The following KRT33B variants were observed in gnomAD, a reference collection of about 807,000 sequenced individuals.
The protein encoded by KRT33B is keratin 33B.
In KRT33B, 37 loss-of-function variants were observed where a neutral mutation model predicts 42.7. That is an observed-to-expected ratio of 0.87 (90% CI 0.67 to 1.14). KRT33B has a LOEUF of 1.14. Among genes scored for constraint, KRT33B ranks in the 50% most tolerant of loss-of-function variants. The pLI is 0.00. For missense variants in KRT33B, 523 were observed against 515.1 expected, an observed-to-expected ratio of 1.02 and a Z score of -0.15; for synonymous variants, 237 against 221.2, an observed-to-expected ratio of 1.07 and a Z score of -0.63.
In KRT33B at chr17:41,367,942, T is replaced by G. The variant is rs2017722236; in HGVS notation, c.397A>C (p.Asn133His). 3.1e-6 allele frequency: 5 copies of G among 1,613,002 alleles called. No individual in the cohort carries two copies. The highest frequency in any genetic ancestry group is 4.2e-6 in the Non-Finnish European group (5 of 1,180,026). The change falls in exon 2 of 7, where the codon AAT (asparagine) becomes CAT (histidine). Residue 133 changes from asparagine to histidine, a missense_variant. Coordinates refer to ENST00000251646, the MANE Select transcript of KRT33B (RefSeq NM_002279.5). Reference sequence around the variant, plus strand: ...AAGTCATCTGCAGCCAGCTTGGCATTGTCGATCTGCACCACCAGCCTGGCA... The same window carrying G: ...AAGTCATCTGCAGCCAGCTTGGCATGGTCGATCTGCACCACCAGCCTGGCA... ...ENARLVVQID[N>H]AKLAADDFRT...
At chr17:41,366,335 G>C (rs2017700024) in intron 3 of KRT33B, 135 bp downstream of exon 3, 2 of 991,856 alleles carry the variant, frequency 2.0e-6, no homozygotes, top group Admixed American at 2.8e-5. Flanking sequence ...TCCCCAACAA[G>C]CCCCAAAGTA....
chr17:41,365,437 CA>C lies in KRT33B; in HGVS notation c.704del (p.Leu235ArgfsTer20). Reference protein sequence around the residue: ...LNETRNQYEALVETNRREVEQ... With the variant: ...LNETRNQYEAXVETNRREVEQ... ...CCACTTCCCTGCGGTTGGTTTCCACCAGGGCCTCATACTGATTCCTGGTCTC... is the reference window on the plus strand; with the variant it reads ...CCACTTCCCTGCGGTTGGTTTCCACCGGGCCTCATACTGATTCCTGGTCTC... On this transcript the variant is annotated frameshift_variant, in exon 4 of 7. Coordinates refer to ENST00000251646, the MANE Select transcript of KRT33B (RefSeq NM_002279.5). LOFTEE classifies it high-confidence loss of function. 1 of 1,612,854 alleles carries C rather than the reference CA, an allele frequency of 6.2e-7. No homozygotes were observed. Among genetic ancestry groups the C allele is most frequent in the Non-Finnish European group, 8.5e-7 (1 of 1,179,978 alleles).
rs1236286275 is a variant in KRT33B, at chr17:41,365,528, A to G, written c.614T>C (p.Leu205Pro). 6.2e-7 allele frequency: 1 copy of G among 1,611,916 alleles called. No homozygotes were observed. Among genetic ancestry groups the G allele is most frequent in the Non-Finnish European group, 8.5e-7 (1 of 1,179,816 alleles). Residue 205 changes from leucine (L) to proline (P), a missense_variant, in exon 4 of 7, where the codon CTT becomes CCT. By Grantham distance (98) the Leu-to-Pro change is moderately conservative (BLOSUM62 -3). Coordinates refer to ENST00000251646, the MANE Select transcript of KRT33B (RefSeq NM_002279.5). ...CACCTCCACGTTGAGGCGGTCTCCA[A>G]GCTGGCAGCGCAAGGTGTTGACTTC... The part of the protein sequence containing the change: ...EQEVNTLRCQ[L>P]GDRLNVEVDA...
At chr17:41,367,327 AG>A (rs1348170579) in intron 2 of KRT33B, among the ~76,000 whole-genome samples, 1 of 151,450 alleles carries the variant, frequency 6.6e-6, no homozygotes, top group Non-Finnish European at 1.5e-5. Flanking sequence ...GTATACAAAG[AG>A]ACCAATGTGA....
Position 41,364,980 on chromosome 17 carries a change from G to A in KRT33B, c.896C>T (p.Thr299Met), listed in dbSNP as rs199838257. ...QHNLRYSLEN[T>M]LTESEARYSS... The stretch of plus-strand genomic sequence containing the variant: ...GTAGCGGGCCTCGCTCTCTGTCAGC[G>A]TGTTTTCCAGAGAGTATCGCTGTGG... The change falls in exon 6 of 7, where the codon ACG becomes ATG. Residue 299 changes from threonine to methionine, a missense_variant. Coordinates refer to ENST00000251646, the MANE Select transcript of KRT33B (RefSeq NM_002279.5). The A allele has an allele frequency of 1.1e-5, 18 of 1,613,372 alleles. No homozygotes were observed. The East Asian group carries it at 1.6e-4, about 14-fold the overall frequency.
rs150951271 is a variant in KRT33B at position 41,367,729 on chromosome 17, C to T, written c.431+179G>A. ...AAAATAAAAAAATTAAAAAAAAAAA[C>T]TTAAAACACAGAATCTGAGCACCTA... On this transcript the variant is annotated intron_variant, in intron 2 of 6. Coordinates refer to ENST00000251646, the MANE Select transcript of KRT33B (RefSeq NM_002279.5). 6.0e-5 allele frequency among the ~76,000 whole-genome samples: 9 copies of T among 150,836 alleles called. No homozygotes were observed. In the South Asian group the frequency reaches 6.3e-4, roughly 10 times the overall value.
At chr17:41,369,322 A>T in intron 1 of KRT33B, 81 bp downstream of exon 1, 15 of 1,544,364 alleles carry the variant, frequency 9.7e-6, no homozygotes, top group Non-Finnish European at 1.3e-5. Flanking sequence ...CTGTGAACAG[A>T]CTTAGATCCA....
Position 41,363,673 on chromosome 17 carries a change from T to C in KRT33B, c.*163A>G. 1 of 551,800 alleles carries C rather than the reference T, an allele frequency of 1.8e-6. No individual in the cohort carries two copies. The highest frequency in any genetic ancestry group is 2.8e-5 in the South Asian group (1 of 35,460). The allele number at this position is 551,800 out of a possible 1,614,324, so 34.2% of individuals were successfully genotyped here. A position where few individuals can be genotyped will look rare whatever the true frequency, so the allele number is the denominator to read the frequency against. On this transcript the variant is annotated 3_prime_UTR_variant, in exon 7 of 7. Coordinates refer to ENST00000251646, the MANE Select transcript of KRT33B (RefSeq NM_002279.5). Reference sequence around the variant, plus strand: ...TGAGGAGGATCAAGTAGCCCTAGGCTCAGAGTCAGACCCAAACGCTGGGCA... The same window carrying C: ...TGAGGAGGATCAAGTAGCCCTAGGCCCAGAGTCAGACCCAAACGCTGGGCA...
rs1167734168 is a variant in KRT33B, at chr17:41,366,654, G to A, written c.432-28C>T. ...GCACACACAGCCAGAGGTCAAAAGAGGTCCAAAAAAAAAAAGTCTTTGTTT... is the reference window on the plus strand; with the variant it reads ...GCACACACAGCCAGAGGTCAAAAGAAGTCCAAAAAAAAAAAGTCTTTGTTT... On this transcript the variant is annotated intron_variant, in intron 2 of 6. Coordinates refer to ENST00000251646, the MANE Select transcript of KRT33B (RefSeq NM_002279.5). 10 of 1,528,768 alleles carry A rather than the reference G, an allele frequency of 6.5e-6. No individual in the cohort carries two copies. In the East Asian group the frequency reaches 1.9e-4, roughly 29 times the overall value. The allele number at this position is 1,528,768 out of a possible 1,614,324, so 94.7% of individuals were successfully genotyped here. A position where few individuals can be genotyped will look rare whatever the true frequency, so the allele number is the denominator to read the frequency against.
At chr17:41,366,360 A>G (rs1185140065) in intron 3 of KRT33B, 110 bp downstream of exon 3, 16 of 1,288,646 alleles carry the variant, frequency 1.2e-5, no homozygotes, top group Admixed American at 2.4e-5. Context: ...TTGAGCAACC[A>G]GCAAAATGTT....
intron 3 of KRT33B, 103 bp downstream of exon 3, chr17:41,366,367 T>C: frequency 1.5e-6 from 2 of 1,348,260 alleles, no homozygotes; most frequent in Non-Finnish European, 1.0e-6. Context: ...ACCAGCAAAA[T>C]GTTGTTAGGC....
chr17:41,364,836 G>T lies in KRT33B; in HGVS notation c.1040C>A (p.Ala347Glu). ...QEYQVLLDVR[A>E]RLECEINTYR... The stretch of plus-strand genomic sequence containing the variant: ...TGTGTTGATCTCACACTCCAGCCGC[G>T]CCCGCACGTCCAGCAGCACCTGATA... The change falls in exon 6 of 7, where the codon GCG (alanine) becomes GAG (glutamate). Residue 347 changes from alanine (A) to glutamate (E), a missense_variant. Transcript: ENST00000251646. 5.6e-6 allele frequency: 9 copies of T among 1,612,284 alleles called. No homozygotes were observed. Among genetic ancestry groups the T allele is most frequent in the Non-Finnish European group, 7.6e-6 (9 of 1,179,890 alleles).
intron 2 of KRT33B, among the ~76,000 whole-genome samples, 200 bp downstream of exon 2, chr17:41,367,708 T>TA (rs1371596930): frequency 1.3e-5 from 2 of 149,584 alleles, no homozygotes; most frequent in Non-Finnish European, 3.0e-5. Context: ...CATCTCAAAA[T>TA]AAAAAAATTA....
In KRT33B at chr17:41,365,424, G is replaced by A. The variant is rs141441300; in HGVS notation, c.718C>T (p.Arg240Cys). ...GCGAACCATTGCTCCACTTCCCTGC[G>A]GTTGGTTTCCACCAGGGCCTCATAC... ...NQYEALVETNRREVEQWFATQ... is the reference protein window; with the variant it reads ...NQYEALVETNCREVEQWFATQ... The change falls in exon 4 of 7, where the codon CGC becomes TGC. Residue 240 changes from arginine (R) to cysteine (C), a missense_variant. Arg to Cys is a radical substitution (Grantham distance 180, BLOSUM62 -3). Transcript: ENST00000251646. The A allele has an allele frequency of 6.8e-5, 110 of 1,612,554 alleles. No individual in the cohort carries two copies. The highest frequency in any genetic ancestry group is 4.9e-4 in the Middle Eastern group (3 of 6,080).
In KRT33B at chr17:41,366,624, T is replaced by A; in HGVS notation, c.434A>T (p.Tyr145Phe). 6.2e-7 allele frequency: 1 copy of A among 1,605,466 alleles called. No individual in the cohort carries two copies. The highest frequency in any genetic ancestry group is 8.5e-7 in the Non-Finnish European group (1 of 1,177,446). ...KLAADDFRTK[Y>F]QTEQSLRQLV... The stretch of plus-strand genomic sequence containing the variant: ...CTGCCGCAGGGACTGCTCCGTCTGG[T>A]ACCTGCACACACAGCCAGAGGTCAA... The change falls in exon 3 of 7, where the codon TAC becomes TTC. Residue 145 changes from tyrosine (Y) to phenylalanine (F), a missense_variant and splice_region_variant. By Grantham distance (22) the Tyr-to-Phe change is conservative (BLOSUM62 3). Coordinates refer to ENST00000251646, the MANE Select transcript of KRT33B (RefSeq NM_002279.5).
At position 41,368,095 on chromosome 17, in the gene KRT33B, G is replaced by A. The variant is rs1269836644; in HGVS notation, c.349-105C>T. 6.6e-6 allele frequency: 7 copies of A among 1,068,598 alleles called. 1 individual carries two copies. In the African/African-American group the frequency reaches 1.1e-4, roughly 17 times the overall value. 66.2% of individuals were successfully genotyped at this position (1,068,598 alleles called of 1,614,324 possible). ...CCACATTCCTCCCAAATAGCTTTGA[G>A]TCCTTTCAGATTTTCAGCTCTGAGA... On this transcript the variant is annotated intron_variant, in intron 1 of 6. Coordinates refer to ENST00000251646, the MANE Select transcript of KRT33B (RefSeq NM_002279.5).
chr17:41,364,040 G>A, intron 6 of KRT33B, 87 bp from the exon 7 acceptor site: 1 of 929,154 alleles, frequency 1.1e-6, no homozygotes, highest in Non-Finnish European at 1.7e-6. Context: ...GAAACAAGCA[G>A]AACCCGTTCT....
chr17:41,368,250 CG>C (rs1555550199), intron 1 of KRT33B, among the ~76,000 whole-genome samples: 1 of 151,288 alleles, frequency 6.6e-6, no homozygotes, highest in Non-Finnish European at 1.5e-5. Flanking sequence ...TCCAACCCTT[CG>C]GTTGGGTGAC....
intron 6 of KRT33B, 39 bp downstream of exon 6, chr17:41,364,740 G>A: frequency 6.2e-7 from 1 of 1,610,202 alleles, no homozygotes; most frequent in Non-Finnish European, 8.5e-7. Context: ...GTAGAACAGT[G>A]CCTGTCCCTT....
Sources: allele counts gnomAD v4.1 joint callset (sites outside exome capture counted in the v4.1 genomes callset), GRCh38; gene constraint gnomAD v4.1.1; transcripts MANE v1.5; gene names NCBI Gene and HGNC (gene_info 2026-07-23, HGNC 2026-07-21).